Variants in UGP2 observed in about 807,000 individuals in gnomAD.
UGP2 encodes UDP-glucose pyrophosphorylase 2.
UGP2 carries 40 observed loss-of-function variants against 49.0 expected under a neutral mutation model. The ratio of observed to expected loss-of-function variants is 0.82; its 90% CI spans 0.63 to 1.06. UGP2 has a LOEUF of 1.06. Ranked by LOEUF, UGP2 falls within the 50% of genes least tolerant of loss-of-function variation. The pLI, the probability that UGP2 is intolerant of heterozygous loss-of-function variation, is 0.00. For synonymous variants in UGP2, 225 were observed against 213.0 expected, an observed-to-expected ratio of 1.06 and a Z score of -0.49; for missense variants, 460 against 603.5, an observed-to-expected ratio of 0.76 and a Z score of 2.49.
chr2:63,856,370 A>G lies in UGP2; in HGVS notation c.84A>G (p.Leu28=), dbSNP rs755126829. 29 of 1,613,860 alleles carry G rather than the reference A, an allele frequency of 1.8e-5. No homozygotes were observed. The East Asian group carries it at 6.2e-4, about 35-fold the overall frequency. The stretch of plus-strand genomic sequence containing the variant: ...TCCAAGAAGTCATTCGGCAAGAGCT[A>G]GAATTATCTGTGAAGAAGGAACTAG... ...SQFQEVIRQE[L]ELSVKKELEK... The change falls in exon 2 of 10, where the codon CTA becomes CTG. Residue 28 remains leucine, a synonymous_variant. Transcript: ENST00000337130.
chr2:63,882,800 A>G, intron 4 of UGP2, 149 bp downstream of exon 4: 1 of 818,206 alleles, frequency 1.2e-6, no homozygotes, highest in Non-Finnish European at 1.7e-6. Flanking sequence ...AAAAAGGTTT[A>G]GTGTTCTTAA....
chr2:63,877,003 T>C (rs1670947926), intron 3 of UGP2, among the ~76,000 whole-genome samples: 1 of 152,258 alleles, frequency 6.6e-6, no homozygotes, highest in African/African-American at 2.4e-5. Context: ...AAAATCAATA[T>C]GAGGCTGAGA....
At chr2:63,867,104 A>C (rs937483143) in intron 3 of UGP2, among the ~76,000 whole-genome samples, 3 of 152,162 alleles carry the variant, frequency 2.0e-5, no homozygotes, top group African/African-American at 7.2e-5. Flanking sequence ...TAATTTTATG[A>C]TAGAGAGCTA....
At chr2:63,883,907 T>G in intron 4 of UGP2, 53 bp from the exon 5 acceptor site, 2 of 1,559,794 alleles carry the variant, frequency 1.3e-6, no homozygotes, top group Non-Finnish European at 1.7e-6. Flanking sequence ...TTTTGCATAT[T>G]TGAGCAAAAG....
intron 1 of UGP2, among the ~76,000 whole-genome samples, chr2:63,845,052 G>A (rs148307964): frequency 3.9e-5 from 6 of 152,338 alleles, no homozygotes; most frequent in African/African-American, 9.6e-5. Flanking sequence ...AAATGAATTT[G>A]TCATGGATGA....
chr2:63,861,047 T>C (rs901073396), intron 3 of UGP2, among the ~76,000 whole-genome samples: 1 of 152,100 alleles, frequency 6.6e-6, no homozygotes. Context: ...TTATGAATTA[T>C]GGCTAATAAG....
chr2:63,847,751 G>A (rs969549952), intron 1 of UGP2, among the ~76,000 whole-genome samples: 6 of 152,174 alleles, frequency 3.9e-5, no homozygotes, highest in African/African-American at 1.4e-4. Context: ...TTAAGGCAAG[G>A]ACCGGCCATT....
intron 1 of UGP2, among the ~76,000 whole-genome samples, chr2:63,844,762 A>G (rs552824078): frequency 8.5e-5 from 13 of 152,146 alleles, no homozygotes; most frequent in South Asian, 2.1e-4. Flanking sequence ...GGCTTTCCCT[A>G]TGTTTCTCAG....
chr2:63,847,177 A>T (rs1671990950), intron 1 of UGP2, among the ~76,000 whole-genome samples: 1 of 152,190 alleles, frequency 6.6e-6, no homozygotes, highest in Non-Finnish European at 1.5e-5. Context: ...TCTTTTTGGG[A>T]GTGCCATTTT....
At chr2:63,884,436 A>C (rs1281952496) in intron 5 of UGP2, among the ~76,000 whole-genome samples, 2 of 152,210 alleles carry the variant, frequency 1.3e-5, no homozygotes, top group Non-Finnish European at 2.9e-5. Flanking sequence ...TTCCTATGGA[A>C]AGGAATTTCT....
At chr2:63,850,079 G>A (rs1268658703) in intron 1 of UGP2, among the ~76,000 whole-genome samples, 2 of 152,084 alleles carry the variant, frequency 1.3e-5, no homozygotes, top group South Asian at 4.1e-4. Flanking sequence ...TCTTCTGAAT[G>A]TTCTGTTTTC....
At chr2:63,864,097 C>T (rs918796882) in intron 3 of UGP2, among the ~76,000 whole-genome samples, 4 of 152,132 alleles carry the variant, frequency 2.6e-5, no homozygotes, top group African/African-American at 9.7e-5. Flanking sequence ...GCTGTGTATG[C>T]AAAGCTCTAT....
At chr2:63,843,836 C>CT (rs1280468896) in intron 1 of UGP2, among the ~76,000 whole-genome samples, 1 of 152,226 alleles carries the variant, frequency 6.6e-6, no homozygotes, top group Non-Finnish European at 1.5e-5. Flanking sequence ...ATGATTCACT[C>CT]TAAGATACCA....
chr2:63,889,336 G>A (rs1316994116), intron 8 of UGP2: 1 of 152,034 alleles, frequency 6.6e-6, no homozygotes, highest in African/African-American at 2.4e-5. Context: ...TACATTAATG[G>A]GAATGCAGTC....
At chr2:63,847,280 C>T (rs1228612037) in intron 1 of UGP2, among the ~76,000 whole-genome samples, 4 of 152,094 alleles carry the variant, frequency 2.6e-5, no homozygotes, top group Non-Finnish European at 5.9e-5. Flanking sequence ...TTCACAGAGA[C>T]CCTTCCCTTT....
intron 8 of UGP2, 97 bp from the exon 9 acceptor site, chr2:63,889,984 G>T: frequency 6.5e-6 from 6 of 916,502 alleles, no homozygotes; most frequent in Non-Finnish European, 1.0e-5. Context: ...TGCCAAAAAA[G>T]GTTTCTACAG....
intron 1 of UGP2, among the ~76,000 whole-genome samples, chr2:63,844,590 T>G (rs184417823): frequency 6.6e-6 from 1 of 152,174 alleles, no homozygotes; most frequent in Non-Finnish European, 1.5e-5. Flanking sequence ...TGAGGCAGGG[T>G]CTCACTTTGT....
intron 1 of UGP2, chr2:63,855,520 G>GTTTTTTTTTTTTTTTTTTTCT (rs1669337259): frequency 4.6e-5 from 9 of 194,308 alleles, no homozygotes; most frequent in East Asian, 1.7e-4. Context: ...TTCTTTTTCT[G>GTTTTTTTTTTTTTTTTTTTCT]TTTTTTTTTT....
intron 1 of UGP2, among the ~76,000 whole-genome samples, chr2:63,851,920 T>G (rs1419523391): frequency 1.3e-5 from 2 of 152,150 alleles, no homozygotes; most frequent in Admixed American, 6.5e-5. Flanking sequence ...AGAAGAAACG[T>G]GGGGTGATTG....
Sources: allele counts gnomAD v4.1 joint callset (sites outside exome capture counted in the v4.1 genomes callset), GRCh38; gene constraint gnomAD v4.1.1; transcripts MANE v1.5; gene names NCBI Gene and HGNC (gene_info 2026-07-23, HGNC 2026-07-21).